EXOC6: variants seen among roughly 807,000 people sequenced by gnomAD.
The protein encoded by EXOC6 is exocyst complex component 6.
In EXOC6, 60 loss-of-function variants were observed where a neutral mutation model predicts 112.5. The observed-to-expected ratio is 0.53, with a 90% CI of 0.43 to 0.66. The LOEUF (loss-of-function observed/expected upper bound fraction) is 0.66. Among genes scored for constraint, EXOC6 ranks in the 30% least tolerant of loss-of-function variants. The pLI, the probability that EXOC6 is intolerant of heterozygous loss-of-function variation, is 0.00. For missense variants in EXOC6, 855 were observed against 957.1 expected (o/e 0.89, Z 1.41); for synonymous variants, 295 against 308.0 (o/e 0.96, Z 0.44).
chr10:92,993,973 C>T (rs1318540253), intron 18 of EXOC6, among the ~76,000 whole-genome samples: 1 of 152,162 alleles, frequency 6.6e-6, no homozygotes, highest in African/African-American at 2.4e-5. Context: ...CAAATGTCGC[C>T]TCATGCTGTC....
At chr10:93,005,438 T>C (rs2134205259) in intron 19 of EXOC6, among the ~76,000 whole-genome samples, 1 of 152,320 alleles carries the variant, frequency 6.6e-6, no homozygotes, top group South Asian at 2.1e-4. Context: ...TCAGTGTATG[T>C]ACTTTGTTTT....
At chr10:92,845,914 G>A (rs1847036630), upstream of EXOC6, among the ~76,000 whole-genome samples, 1 of 152,128 alleles carries the variant, frequency 6.6e-6, no homozygotes, top group African/African-American at 2.4e-5. Context: ...ACCCAGCCTG[G>A]GTAACAAAAG....
At chr10:92,997,416 A>G in intron 18 of EXOC6, 58 bp from the exon 19 acceptor site, 4 of 1,488,612 alleles carry the variant, frequency 2.7e-6, no homozygotes, top group South Asian at 1.3e-5. Flanking sequence ...CTGATTCTTT[A>G]TGATGTATTT....
At chr10:92,956,216 T>C (rs1853687607) in intron 17 of EXOC6, among the ~76,000 whole-genome samples, 1 of 152,098 alleles carries the variant, frequency 6.6e-6, no homozygotes, top group Non-Finnish European at 1.5e-5. Flanking sequence ...AATGGTTGTT[T>C]TAGGTAGAAT....
chr10:92,941,724 AGAATC>A (rs919047589), intron 13 of EXOC6, among the ~76,000 whole-genome samples: 12 of 152,242 alleles, frequency 7.9e-5, no homozygotes, highest in African/African-American at 2.9e-4. Context: ...AGAATCTTAA[AGAATC>A]TAAACGAGAA....
At position 92,948,242 on chromosome 10, in the gene EXOC6, A is replaced by G. The variant is rs1455067456; in HGVS notation, c.1311-32A>G. The G allele has an allele frequency of 1.4e-5, 20 of 1,380,032 alleles. No individual in the cohort carries two copies. In the Admixed American group the frequency reaches 3.5e-4, roughly 24 times the overall value. The allele number at this position is 1,380,032 out of a possible 1,614,324, so 85.5% of individuals were successfully genotyped here. On this transcript the variant is annotated intron_variant, in intron 13 of 21. Coordinates refer to ENST00000260762, the MANE Select transcript of EXOC6 (RefSeq NM_019053.6). The stretch of plus-strand genomic sequence containing the variant: ...TAGTACTCTAATAATATGCTTTGTA[A>G]TGATAAGTTTTCAATTTTCCTTTCC...
intron 18 of EXOC6, among the ~76,000 whole-genome samples, chr10:92,987,283 T>G (rs891462119): frequency 6.6e-6 from 1 of 152,220 alleles, no homozygotes; most frequent in Non-Finnish European, 1.5e-5. Flanking sequence ...GTCAAAGAAC[T>G]GATGTGTTCT....
intron 9 of EXOC6, among the ~76,000 whole-genome samples, chr10:92,933,079 C>G (rs61862290): frequency 0.011 from 1,720 of 152,116 alleles, 19 homozygotes; most frequent in Non-Finnish European, 0.017. Flanking sequence ...ACAGGGAAAG[C>G]TAGAATGATA....
At chr10:92,846,785 T>C (rs111664671), upstream of EXOC6, among the ~76,000 whole-genome samples, 1,298 of 152,288 alleles carry the variant, frequency 8.5e-3, 11 homozygotes, top group Non-Finnish European at 0.012. Context: ...CATATGTTAT[T>C]TTTACATGAC....
Position 92,928,390 on chromosome 10 carries a change from G to T in EXOC6, c.940G>T (p.Ala314Ser). ...TTATCGAAAACAAAGAAAGAAACAAGCAAGACTGGTATTGCAACCCCAGTC... is the reference window on the plus strand; with the variant it reads ...TTATCGAAAACAAAGAAAGAAACAATCAAGACTGGTATTGCAACCCCAGTC... Reference protein sequence around the residue: ...NYYRKQRKKQARLVLQPQSNM... With the variant: ...NYYRKQRKKQSRLVLQPQSNM... The change falls in exon 9 of 22, where the codon GCA (alanine) becomes TCA (serine). Residue 314 changes from alanine to serine, a missense_variant. Ala to Ser is a moderately conservative substitution (Grantham distance 99). Transcript: ENST00000260762. 6.2e-7 allele frequency: 1 copy of T among 1,609,838 alleles called. No individual in the cohort carries two copies.
chr10:92,967,497 A>C (rs1352093928), intron 17 of EXOC6, among the ~76,000 whole-genome samples: 1 of 152,162 alleles, frequency 6.6e-6, no homozygotes, highest in East Asian at 1.9e-4. Flanking sequence ...AAAATTCTAT[A>C]AACTAAAAAA....
At chr10:92,933,789 T>C (rs543775955) in intron 9 of EXOC6, among the ~76,000 whole-genome samples, 3 of 152,074 alleles carry the variant, frequency 2.0e-5, no homozygotes, top group East Asian at 1.9e-4. Context: ...CTGGAAAATA[T>C]CATTCTGGCA....
intron 8 of EXOC6, among the ~76,000 whole-genome samples, chr10:92,926,047 C>CT (rs1274350417): frequency 2.2e-4 from 27 of 124,816 alleles, no homozygotes; most frequent in East Asian, 4.1e-4. Context: ...TTAGGGTGGA[C>CT]TTTTTAAAAA....
chr10:92,909,008 T>G (rs1231946954), intron 5 of EXOC6, among the ~76,000 whole-genome samples: 1 of 152,178 alleles, frequency 6.6e-6, no homozygotes, highest in Non-Finnish European at 1.5e-5. Context: ...TAATTAGAAT[T>G]ATATTCATGT....
At chr10:92,994,289 G>C (rs1450552614) in intron 18 of EXOC6, among the ~76,000 whole-genome samples, 2 of 152,144 alleles carry the variant, frequency 1.3e-5, no homozygotes, top group Non-Finnish European at 2.9e-5. Context: ...TTTCCTAGGA[G>C]CCAAATGTCT....
intron 17 of EXOC6, among the ~76,000 whole-genome samples, chr10:92,960,681 C>T (rs1853940320): frequency 6.6e-6 from 1 of 151,218 alleles, no homozygotes; most frequent in Admixed American, 6.6e-5. Context: ...CCTCATTCCT[C>T]TCCTTTGTCA....
intron 19 of EXOC6, among the ~76,000 whole-genome samples, chr10:92,999,060 C>T (rs911225965): frequency 4.6e-5 from 7 of 151,958 alleles, no homozygotes; most frequent in South Asian, 2.1e-4. Context: ...TTAGTAGAGA[C>T]GGGCTTTTGC....
At chr10:93,001,425 T>C (rs1193296137) in intron 19 of EXOC6, among the ~76,000 whole-genome samples, 3 of 152,174 alleles carry the variant, frequency 2.0e-5, no homozygotes, top group Non-Finnish European at 2.9e-5. Flanking sequence ...TCTATCAATC[T>C]CTCACACTGA....
intron 20 of EXOC6, among the ~76,000 whole-genome samples, chr10:93,046,037 G>A (rs745413582): frequency 1.1e-4 from 17 of 152,156 alleles, no homozygotes; most frequent in Admixed American, 3.9e-4. Flanking sequence ...TGATAACATA[G>A]CCCTATTATC....
Sources: gnomAD v4.1 joint callset for allele counts (sites outside exome capture counted in the v4.1 genomes callset) on GRCh38, gnomAD v4.1.1 for gene constraint, MANE v1.5 for transcripts, NCBI Gene and HGNC (gene_info 2026-07-23, HGNC 2026-07-21) for gene names.